Variants in IL1RAPL2 observed in about 807,000 individuals in gnomAD.
IL1RAPL2 encodes the protein X-linked interleukin-1 receptor accessory protein-like 2.
IL1RAPL2 carries 3 observed loss-of-function variants against 44.1 expected under a neutral mutation model. The ratio of observed to expected loss-of-function variants is 0.07; its 90% CI spans 0.03 to 0.18. The LOEUF is 0.18. Among genes scored for constraint, IL1RAPL2 ranks in the 10% least tolerant of loss-of-function variants. The probability of loss-of-function intolerance (pLI) is 1.00; values close to 1 mark genes in which losing one functional copy is unlikely to be tolerated. For missense variants in IL1RAPL2, 391 were observed against 496.4 expected (o/e 0.79, Z 2.02); for synonymous variants, 181 against 178.8 (o/e 1.01, Z -0.10).
intron 5 of IL1RAPL2, among the ~76,000 whole-genome samples, chrX:105,381,156 G>A (rs1284661395): frequency 9.0e-6 from 1 of 111,429 alleles, no homozygotes; most frequent in Non-Finnish European, 1.9e-5. Context: ...GGTACTGTTA[G>A]TACTCTCAAT....
rs773381461 is a variant in IL1RAPL2, at chrX:104,969,447, G to A, written c.83-226028G>A. On this transcript the variant is annotated intron_variant, in intron 2 of 10. Transcript: ENST00000372582. ...TATAAAAGAGACTAACTTTATGACA[G>A]AGTAGAAAAATAGTTCTTTGAAAGG... Among the ~76,000 whole-genome samples, 473 of 111,296 alleles carry A rather than the reference G, an allele frequency of 4.2e-3. 2 individuals carry two copies. The highest frequency in any genetic ancestry group is 0.015 in the African/African-American group (449 of 30,762).
chrX:105,014,842 G>T (rs1398523554), intron 2 of IL1RAPL2, among the ~76,000 whole-genome samples: 1 of 112,007 alleles, frequency 8.9e-6, no homozygotes, highest in East Asian at 2.8e-4. Context: ...TACTGCGATT[G>T]CTGGGTCAAA....
chrX:105,418,578 A>G (rs2035751245), intron 5 of IL1RAPL2, among the ~76,000 whole-genome samples: 1 of 112,009 alleles, frequency 8.9e-6, no homozygotes, highest in Non-Finnish European at 1.9e-5. Context: ...GTTCTAATTA[A>G]TTGCATATTT....
intron 4 of IL1RAPL2, among the ~76,000 whole-genome samples, chrX:105,245,840 G>A (rs911882100): frequency 1.8e-5 from 2 of 112,461 alleles, no homozygotes; most frequent in Admixed American, 1.9e-4. Flanking sequence ...TAAAAGTCTG[G>A]TGTTAATAAG....
At chrX:105,600,559 A>G (rs961732369) in intron 6 of IL1RAPL2, among the ~76,000 whole-genome samples, 2 of 108,376 alleles carry the variant, frequency 1.8e-5, no homozygotes, top group Admixed American at 9.9e-5. Flanking sequence ...TGAAATAATT[A>G]TAATTAATCA....
At chrX:105,211,736 A>C (rs187156413) in intron 3 of IL1RAPL2, among the ~76,000 whole-genome samples, 35 of 111,344 alleles carry the variant, frequency 3.1e-4, no homozygotes, top group Non-Finnish European at 3.8e-4. Flanking sequence ...CAGCGAGAAC[A>C]ATGAAGAAGG....
intron 5 of IL1RAPL2, among the ~76,000 whole-genome samples, chrX:105,289,728 A>T (rs1407203323): frequency 9.0e-6 from 1 of 111,648 alleles, no homozygotes; most frequent in East Asian, 2.8e-4. Context: ...ACATCTAAGT[A>T]GAAATGTTGG....
chrX:105,086,308 A>G (rs140199353), intron 2 of IL1RAPL2, among the ~76,000 whole-genome samples: 6,881 of 111,522 alleles, frequency 0.062, 601 homozygotes, highest in African/African-American at 0.21. Flanking sequence ...AGCCTTAAAA[A>G]GCAAATGAAA....
intron 5 of IL1RAPL2, among the ~76,000 whole-genome samples, chrX:105,396,925 G>A (rs138698574): frequency 0.013 from 1,410 of 111,182 alleles, 10 homozygotes; most frequent in Middle Eastern, 0.024. Context: ...GTGAGTGAGC[G>A]AAGCTTCATC....
chrX:105,169,624 G>A (rs2033406145), intron 2 of IL1RAPL2, among the ~76,000 whole-genome samples: 1 of 103,061 alleles, frequency 9.7e-6, no homozygotes, highest in South Asian at 4.5e-4. Context: ...CACTTCCCAG[G>A]TTCAAGCGAT....
intron 2 of IL1RAPL2, among the ~76,000 whole-genome samples, chrX:105,007,193 C>G (rs1337724147): frequency 1.8e-5 from 2 of 111,470 alleles, no homozygotes; most frequent in Admixed American, 1.9e-4. Context: ...AGAACTATGA[C>G]TAATGAGAGG....
intron 6 of IL1RAPL2, among the ~76,000 whole-genome samples, chrX:105,707,853 A>G (rs2038177312): frequency 9.0e-6 from 1 of 111,112 alleles, no homozygotes; most frequent in Admixed American, 9.6e-5. Context: ...CAGAGAAAGC[A>G]GAGTGTGCAT....
intron 2 of IL1RAPL2, among the ~76,000 whole-genome samples, chrX:104,873,415 T>C (rs1222733424): frequency 8.9e-6 from 1 of 112,012 alleles, no homozygotes; most frequent in African/African-American, 3.2e-5. Flanking sequence ...TTTTGCTTCA[T>C]GTAAGTTATA....
intron 6 of IL1RAPL2, among the ~76,000 whole-genome samples, chrX:105,614,263 A>G (rs760965123): frequency 4.5e-5 from 5 of 112,138 alleles, no homozygotes; most frequent in Non-Finnish European, 7.5e-5. Flanking sequence ...ACCCAAAGCA[A>G]TCTACAAATT....
intron 6 of IL1RAPL2, among the ~76,000 whole-genome samples, chrX:105,618,942 G>C (rs765796336): frequency 9.0e-6 from 1 of 111,197 alleles, no homozygotes; most frequent in South Asian, 3.8e-4. Context: ...AACCTCCTGA[G>C]ACTGCTTCAC....
chrX:105,286,727 A>T (rs1252069100), intron 5 of IL1RAPL2, among the ~76,000 whole-genome samples: 1 of 111,414 alleles, frequency 9.0e-6, no homozygotes, highest in African/African-American at 3.3e-5. Context: ...TACAAATGAA[A>T]TTGTTAAGAT....
At chrX:104,777,569 A>C (rs1932739109) in intron 2 of IL1RAPL2, among the ~76,000 whole-genome samples, 1 of 100,622 alleles carries the variant, frequency 9.9e-6, no homozygotes, top group African/African-American at 3.6e-5. Context: ...TATTATTATT[A>C]TTATTATTAT....
intron 2 of IL1RAPL2, among the ~76,000 whole-genome samples, chrX:105,031,686 G>A (rs1297591355): frequency 1.8e-5 from 2 of 111,913 alleles, no homozygotes; most frequent in Non-Finnish European, 3.8e-5. Context: ...GTTTATCAAT[G>A]ATATTGGTCT....
intron 2 of IL1RAPL2, among the ~76,000 whole-genome samples, chrX:105,143,533 G>T (rs149328165): frequency 0.014 from 1,596 of 111,917 alleles, 27 homozygotes; most frequent in African/African-American, 0.048. Flanking sequence ...GGAAGACAGT[G>T]TGGCGATTCC....
Sources: gnomAD v4.1 joint callset for allele counts (sites outside exome capture counted in the v4.1 genomes callset) on GRCh38, gnomAD v4.1.1 for gene constraint, MANE v1.5 for transcripts, NCBI Gene and HGNC (gene_info 2026-07-23, HGNC 2026-07-21) for gene names.